The following INPP5D variants were observed in gnomAD, a reference collection of about 807,000 sequenced individuals.
The protein encoded by INPP5D is inositol polyphosphate-5-phosphatase D.
In INPP5D, 33 loss-of-function variants were observed where a neutral mutation model predicts 122.9. That is an observed-to-expected ratio of 0.27 (90% CI 0.20 to 0.36). The LOEUF (loss-of-function observed/expected upper bound fraction) is 0.36. INPP5D is among the 10% of genes least tolerant of loss of function. INPP5D has a pLI of 1.00. For synonymous variants in INPP5D, 584 were observed against 576.2 expected (o/e 1.01, Z -0.19); for missense variants, 1,053 against 1,412.7 (o/e 0.75, Z 4.08).
chr2:233,109,163 C>A (rs1692543030), intron 2 of INPP5D, among the ~76,000 whole-genome samples: 1 of 152,220 alleles, frequency 6.6e-6, no homozygotes, highest in Non-Finnish European at 1.5e-5. Flanking sequence ...CTTGCAGGAG[C>A]CTAGCTTTGC....
Position 233,105,842 on chromosome 2 carries a change from G to A in INPP5D, c.199-16265G>A, listed in dbSNP as rs1692452756. 6.6e-6 allele frequency among the ~76,000 whole-genome samples: 1 copy of A among 152,142 alleles called. No homozygotes were observed. Among genetic ancestry groups the A allele is most frequent in the Admixed American group, 6.5e-5 (1 of 15,274 alleles). On this transcript the variant is annotated intron_variant, in intron 2 of 26. Coordinates refer to ENST00000445964, the MANE Select transcript of INPP5D (RefSeq NM_001017915.3). The surrounding 1 kb of genome is among the most constrained non-coding windows in gnomAD (Gnocchi z 4.0). ...TCTGGGGGGCCACAGTGGGGTTCTGGCTTGTTGGAGAGATGGTGGGGTCCA... is the reference window on the plus strand; with the variant it reads ...TCTGGGGGGCCACAGTGGGGTTCTGACTTGTTGGAGAGATGGTGGGGTCCA...
intron 6 of INPP5D, among the ~76,000 whole-genome samples, chr2:233,145,759 C>T (rs1362343568): frequency 6.6e-6 from 1 of 152,006 alleles, no homozygotes; most frequent in African/African-American, 2.4e-5. Context: ...TCATTTTCTC[C>T]TCTACGTGGA....
intron 2 of INPP5D, among the ~76,000 whole-genome samples, chr2:233,107,321 T>C (rs1001982267): frequency 2.0e-5 from 3 of 152,164 alleles, no homozygotes; most frequent in Admixed American, 6.5e-5. Context: ...ACTGGGCTTT[T>C]ACATGTGTAC....
At position 233,193,838 on chromosome 2, in the gene INPP5D, G is replaced by A. The variant is rs1038862530; in HGVS notation, c.2473G>A (p.Glu825Lys). Residue 825 changes from glutamate to lysine, a missense_variant, in exon 23 of 27, where the codon GAG becomes AAG. This residue lies in a region of INPP5D where 258 missense variants were observed against 439.1 expected (regional missense o/e 0.59). Coordinates refer to ENST00000445964, the MANE Select transcript of INPP5D (RefSeq NM_001017915.3). ...YGEGCIALRL[E>K]ATETQLPIYT... ...CGAGGGCTGCATTGCCCTTCGGTTAGAGGCCACAGAAACGCAGCTGCCCAT... is the reference window on the plus strand; with the variant it reads ...CGAGGGCTGCATTGCCCTTCGGTTAAAGGCCACAGAAACGCAGCTGCCCAT... 9 of 1,613,792 alleles carry A rather than the reference G, an allele frequency of 5.6e-6. No homozygotes were observed. The highest frequency in any genetic ancestry group is 6.8e-6 in the Non-Finnish European group (8 of 1,179,848).
chr2:233,073,784 T>A (rs941067993), intron 1 of INPP5D, among the ~76,000 whole-genome samples: 2 of 152,072 alleles, frequency 1.3e-5, no homozygotes, highest in African/African-American at 4.8e-5. Context: ...CTTTCTTGAG[T>A]GTGTCTTTTT....
At chr2:233,060,660 T>G in intron 1 of INPP5D, 48 bp downstream of exon 1, 1 of 1,604,842 alleles carries the variant, frequency 6.2e-7, no homozygotes, top group Admixed American at 1.7e-5. Flanking sequence ...ACAGAGGGGC[T>G]TAGAGGGGGC....
At chr2:233,092,408 G>A (rs1483508602) in intron 2 of INPP5D, among the ~76,000 whole-genome samples, 2 of 152,158 alleles carry the variant, frequency 1.3e-5, no homozygotes, top group East Asian at 3.9e-4. Flanking sequence ...ATAGGCTCTG[G>A]GCAATGGGGA....
chr2:233,126,683 G>T (rs1428195542), intron 4 of INPP5D, among the ~76,000 whole-genome samples: 1 of 152,144 alleles, frequency 6.6e-6, no homozygotes, highest in Non-Finnish European at 1.5e-5. Context: ...ACTTTGGGAG[G>T]CCCAGGCGGG....
At chr2:233,173,098 A>G (rs980823062) in intron 17 of INPP5D, among the ~76,000 whole-genome samples, 7 of 151,852 alleles carry the variant, frequency 4.6e-5, no homozygotes, top group Non-Finnish European at 8.8e-5. Flanking sequence ...AACCCCAGCT[A>G]CTCGGGAGGC....
chr2:233,060,385 G>T lies in INPP5D; in HGVS notation c.-94G>T. ...AGCCGAGGCCACCAAGAGGCAACGGGCGGCAGGTTGCAGTGGAGGGGCCTC... is the reference window on the plus strand; with the variant it reads ...AGCCGAGGCCACCAAGAGGCAACGGTCGGCAGGTTGCAGTGGAGGGGCCTC... On this transcript the variant is annotated 5_prime_UTR_variant, in exon 1 of 27. Transcript: ENST00000445964. 1.4e-6 allele frequency: 2 copies of T among 1,410,640 alleles called. No individual in the cohort carries two copies. The highest frequency in any genetic ancestry group is 1.9e-6 in the Non-Finnish European group (2 of 1,053,176). The allele number at this position is 1,410,640 out of a possible 1,614,324, so 87.4% of individuals were successfully genotyped here.
intron 2 of INPP5D, among the ~76,000 whole-genome samples, chr2:233,081,777 C>T (rs1000683802): frequency 3.9e-5 from 6 of 151,948 alleles, no homozygotes; most frequent in African/African-American, 9.7e-5. Flanking sequence ...GGGGTCTGCA[C>T]GCAGCTTCTC....
rs893126098 is a variant in INPP5D, at chr2:233,143,258, C to T, written c.754-2904C>T. On this transcript the variant is annotated intron_variant, in intron 6 of 26. Coordinates refer to ENST00000445964, the MANE Select transcript of INPP5D (RefSeq NM_001017915.3). ...TTTCTAATACTTTTTCTTTCAAGCACGAACGCCCTGTTTGTCAGTAACTTC... is the reference window on the plus strand; with the variant it reads ...TTTCTAATACTTTTTCTTTCAAGCATGAACGCCCTGTTTGTCAGTAACTTC... Among the ~76,000 whole-genome samples, 8 of 152,248 alleles carry T rather than the reference C, an allele frequency of 5.3e-5. No homozygotes were observed. In the South Asian group the frequency reaches 1.5e-3, roughly 28 times the overall value.
chr2:233,177,349 G>A lies in INPP5D; in HGVS notation c.2071+3G>A. On this transcript the variant is annotated splice_donor_region_variant and intron_variant, in intron 18 of 26. Transcript: ENST00000445964. The surrounding 1 kb of genome is among the most constrained non-coding windows in gnomAD (Gnocchi z 4.2). ...GCACGTGGTGTGTCAGTCTTATGGT[G>A]AGTTCAAACACTGGGGAAAGCAGAA... 1.2e-6 allele frequency: 2 copies of A among 1,613,858 alleles called. No individual in the cohort carries two copies. The highest frequency in any genetic ancestry group is 1.7e-6 in the Non-Finnish European group (2 of 1,179,802).
intron 1 of INPP5D, among the ~76,000 whole-genome samples, chr2:233,073,242 C>T (rs997181060): frequency 3.3e-5 from 5 of 152,184 alleles, no homozygotes; most frequent in Non-Finnish European, 4.4e-5. Context: ...TGTTTCTTTC[C>T]TTGATTCTGT....
rs767096166 is a variant in INPP5D, at chr2:233,073,841, C to T, written c.135-5494C>T. 5.3e-5 allele frequency among the ~76,000 whole-genome samples: 8 copies of T among 152,114 alleles called. No homozygotes were observed. The East Asian group carries it at 1.2e-3, about 22-fold the overall frequency. On this transcript the variant is annotated intron_variant, in intron 1 of 26. Transcript: ENST00000445964. ...CATAGCTGCTATTTCCTGCCTCTGT[C>T]GTGTGTTAAATTCTGACTCTAAACG... is the stretch of plus-strand genomic sequence containing the variant.
intron 9 of INPP5D, among the ~76,000 whole-genome samples, chr2:233,150,906 A>C (rs952491281): frequency 6.6e-6 from 1 of 152,078 alleles, no homozygotes; most frequent in Non-Finnish European, 1.5e-5. Context: ...GAGGCAGGGG[A>C]GGGCACTGGT....
chr2:233,183,033 T>C lies in INPP5D; in HGVS notation c.2161+534T>C, dbSNP rs1198667604. Among the ~76,000 whole-genome samples the C allele has an allele frequency of 6.6e-6, 1 of 152,052 alleles. No homozygotes were observed. Among genetic ancestry groups the C allele is most frequent in the Admixed American group, 6.6e-5 (1 of 15,260 alleles). On this transcript the variant is annotated intron_variant, in intron 19 of 26. Transcript: ENST00000445964. The surrounding 1 kb of genome is among the most constrained non-coding windows in gnomAD (Gnocchi z 4.6). ...GCAGAGATGGTAAAAATCGTTAAGA[T>C]GGGATGCAAATGACTGAGTTTTGGG...
chr2:233,144,030 G>A (rs1475544290), intron 6 of INPP5D, among the ~76,000 whole-genome samples: 1 of 141,444 alleles, frequency 7.1e-6, no homozygotes, highest in Non-Finnish European at 1.5e-5. Context: ...TGGTAGGGGT[G>A]GAGATGGTGG....
At position 233,078,958 on chromosome 2, in the gene INPP5D, G is replaced by A. The variant is rs1390533174; in HGVS notation, c.135-377G>A. Among the ~76,000 whole-genome samples, 1 of 152,138 alleles carries A rather than the reference G, an allele frequency of 6.6e-6. No individual in the cohort carries two copies. The highest frequency in any genetic ancestry group is 1.9e-4 in the East Asian group (1 of 5,184). On this transcript the variant is annotated intron_variant, in intron 1 of 26. Coordinates refer to ENST00000445964, the MANE Select transcript of INPP5D (RefSeq NM_001017915.3). This position sits in a 1 kb window ranked among gnomAD's most constrained non-coding sequence, Gnocchi z 4.6. Reference sequence around the variant, plus strand: ...AGCCTCCCAAAGTGCTGGGATTACAGGCGTGAGCCACCGTGCCTGGCCTGC... The same window carrying A: ...AGCCTCCCAAAGTGCTGGGATTACAAGCGTGAGCCACCGTGCCTGGCCTGC...
Sources: allele counts gnomAD v4.1 joint callset (sites outside exome capture counted in the v4.1 genomes callset), GRCh38; gene constraint gnomAD v4.1.1; regional missense constraint gnomAD v4.1.1; non-coding constraint Gnocchi (gnomAD v3.1); transcripts MANE v1.5; gene names NCBI Gene and HGNC (gene_info 2026-07-23, HGNC 2026-07-21).